KRT86: variants seen among roughly 807,000 people sequenced by gnomAD.
KRT86 encodes keratin 86.
A neutral mutation model predicts 41.2 loss-of-function variants in KRT86; 30 were observed. That is an observed-to-expected ratio of 0.73 (90% CI 0.54 to 0.99). The LOEUF is 0.99. Ranked by LOEUF, KRT86 falls within the 50% of genes least tolerant of loss-of-function variation. KRT86 has a pLI of 0.00. For missense variants in KRT86, 561 were observed against 571.4 expected, an observed-to-expected ratio of 0.98 and a Z score of 0.19; for synonymous variants, 238 against 238.1, an observed-to-expected ratio of 1.00 and a Z score of 0.00.
chr12:52,295,500 A>G (rs146374369), intron 2 of KRT86, among the ~76,000 whole-genome samples: 205 of 152,324 alleles, frequency 1.3e-3, no homozygotes, highest in Non-Finnish European at 2.6e-3. Context: ...GTGTTTGTAC[A>G]TAACATAAAA....
rs1938348156 is a variant in KRT86 at position 52,300,531 on chromosome 12, T to C, written c.-4-1382T>C. ...TAACCTATTTCCCAGGAGAGTCAAG[T>C]GCCTTCCCCTAGATCACACAGGGGT... On this transcript the variant is annotated intron_variant, in intron 2 of 10. Transcript: ENST00000423955. Among the ~76,000 whole-genome samples, 4 of 152,156 alleles carry C rather than the reference T, an allele frequency of 2.6e-5. No individual in the cohort carries two copies. In the South Asian group the frequency reaches 8.3e-4, roughly 32 times the overall value.
rs567853619 is a variant in KRT86, at chr12:52,276,029, C to A, written c.-5+83C>A. On this transcript the variant is annotated intron_variant, in intron 2 of 10. Transcript: ENST00000423955. ...TATGACAACTGCCCCTCCCCACCTA[C>A]CCTTTGGATTAGATGGCTACACTTT... The A allele has an allele frequency of 2.3e-4, 227 of 985,122 alleles. No individual in the cohort carries two copies. In the South Asian group the frequency reaches 9.3e-3, roughly 40 times the overall value. 61.0% of individuals were successfully genotyped at this position (985,122 alleles called of 1,614,324 possible).
At chr12:52,288,422 A>C in intron 2 of KRT86, 1 of 1,614,110 alleles carries the variant, frequency 6.2e-7, no homozygotes. Context: ...GTTGGCCTCC[A>C]GGTCTGACTT....
At chr12:52,287,478 C>T in intron 2 of KRT86, 2 of 1,597,564 alleles carry the variant, frequency 1.3e-6, no homozygotes, top group East Asian at 2.2e-5. Context: ...CGACCAGGGA[C>T]TCTACATGGA....
At chr12:52,285,991 A>G (rs1444717739) in intron 2 of KRT86, 2 of 531,318 alleles carry the variant, frequency 3.8e-6, no homozygotes, top group Non-Finnish European at 6.8e-6. Flanking sequence ...TGCCGTGGGC[A>G]AGGTTCTGGT....
intron 2 of KRT86, among the ~76,000 whole-genome samples, chr12:52,299,810 G>A (rs1431959261): frequency 1.3e-5 from 2 of 152,170 alleles, no homozygotes; most frequent in Non-Finnish European, 2.9e-5. Flanking sequence ...TTGCTATTGA[G>A]TTGTTTGAGT....
Position 52,290,538 on chromosome 12 carries a change from CCCCCCCCCA to C in KRT86, c.-4-11374_-4-11366del, listed in dbSNP as rs546059881. ...TGCTCCCTGGGGAGTTGAGTGACCC[CCCCCCCCCA>C]ACCCAAGCAGATGAACAGAAGTGGA... On this transcript the variant is annotated intron_variant, in intron 2 of 10. Transcript: ENST00000423955. Among the ~76,000 whole-genome samples the C allele has an allele frequency of 3.8e-3, 66 of 17,338 alleles. 29 individuals are homozygous for C. The South Asian group carries it at 0.11, about 28-fold the overall frequency. The allele number at this position is 17,338 out of a possible 152,430, so 11.4% of individuals were successfully genotyped here. A position where few individuals can be genotyped will look rare whatever the true frequency, so the allele number is the denominator to read the frequency against.
rs201943606 is a variant in KRT86, at chr12:52,305,396, C to T, written c.892C>T (p.Arg298Cys). ...RSRAEAESWY[R>C]SKCEEMKATV... is the part of the protein sequence containing the mutation. ...CCGGGCTGAGGCCGAGTCCTGGTAC[C>T]GCAGCAAGGTGAGTGGCACAGGACA... is the stretch of plus-strand genomic sequence containing the variant. Residue 298 changes from arginine to cysteine, a missense_variant, in exon 7 of 11, where the codon CGC becomes TGC. Physicochemically the swap from Arg to Cys is radical, Grantham distance 180 (BLOSUM62 -3). This residue lies in a region of KRT86 where 397 missense variants were observed against 375.9 expected (regional missense o/e 1.06). Transcript: ENST00000423955. 3.6e-5 allele frequency: 58 copies of T among 1,614,136 alleles called. No homozygotes were observed. In the African/African-American group the frequency reaches 4.0e-4, roughly 11 times the overall value.
At chr12:52,287,569 C>G (rs1937988970) in intron 2 of KRT86, 1 of 1,613,964 alleles carries the variant, frequency 6.2e-7, no homozygotes, top group Non-Finnish European at 8.5e-7. Context: ...CTCGGTCTCT[C>G]TGACCTTGCG....
chr12:52,284,421 C>T (rs1284206298), intron 2 of KRT86, among the ~76,000 whole-genome samples: 2 of 152,158 alleles, frequency 1.3e-5, no homozygotes, highest in Non-Finnish European at 2.9e-5. Context: ...AACTCTGGGG[C>T]TCAAGCGATC....
chr12:52,292,887 A>G (rs1938164704), intron 2 of KRT86, among the ~76,000 whole-genome samples: 1 of 152,192 alleles, frequency 6.6e-6, no homozygotes, highest in Non-Finnish European at 1.5e-5. Context: ...CTGTAATCCC[A>G]GCACTTTGGG....
At chr12:52,308,202 G>C (rs760040271) in intron 9 of KRT86, 31 bp from the exon 10 acceptor site, 9 of 1,614,096 alleles carry the variant, frequency 5.6e-6, no homozygotes, top group Non-Finnish European at 7.6e-6. Flanking sequence ...CCTTTTCCGC[G>C]GCACTGACCT....
At position 52,308,534 on chromosome 12, in the gene KRT86, C is replaced by A; in HGVS notation, c.1410C>A (p.Cys470Ter). 1 of 1,601,994 alleles carries A rather than the reference C, an allele frequency of 6.2e-7. No homozygotes were observed. The highest frequency in any genetic ancestry group is 2.2e-5 in the East Asian group (1 of 44,864). ...SNVVVGTTNA[C>*]APSARVGVCG... is the part of the protein sequence containing the mutation. ...TGGTGGTGGGCACTACTAACGCCTG[C>A]GCCCCCTCCGCCCGGGTTGGCGTCT... Residue 470 changes from cysteine to a stop codon, truncating the protein, a stop_gained, in exon 11 of 11, where the codon TGC becomes TGA. Coordinates refer to ENST00000423955, the MANE Select transcript of KRT86 (RefSeq NM_001320198.2). LOFTEE classifies it high-confidence loss of function.
At position 52,308,338 on chromosome 12, in the gene KRT86, G is replaced by C. The variant is rs778336780; in HGVS notation, c.1280-66G>C. 4.6e-4 allele frequency: 741 copies of C among 1,612,386 alleles called. 1 individual carries two copies. The highest frequency in any genetic ancestry group is 6.1e-4 in the Non-Finnish European group (723 of 1,179,344). On this transcript the variant is annotated intron_variant, in intron 10 of 10. Transcript: ENST00000423955. Reference sequence around the variant, plus strand: ...CTCTGGGCAAAGGGCGCGTGGGCTCGCAGCAAAGCCACTCACCCAGGTCGC... The same window carrying C: ...CTCTGGGCAAAGGGCGCGTGGGCTCCCAGCAAAGCCACTCACCCAGGTCGC...
At chr12:52,277,243 G>C (rs1034286911) in intron 2 of KRT86, among the ~76,000 whole-genome samples, 1 of 151,950 alleles carries the variant, frequency 6.6e-6, no homozygotes, top group Non-Finnish European at 1.5e-5. Flanking sequence ...CTCCATACTA[G>C]ACGTAAAAGG....
chr12:52,295,051 A>T (rs886714233), intron 2 of KRT86, among the ~76,000 whole-genome samples: 4 of 152,194 alleles, frequency 2.6e-5, no homozygotes, highest in African/African-American at 9.7e-5. Flanking sequence ...TGTAGATTGA[A>T]CAGAGCTGCT....
intron 7 of KRT86, 59 bp downstream of exon 7, chr12:52,305,463 C>T: frequency 6.2e-7 from 1 of 1,613,216 alleles, no homozygotes; most frequent in African/African-American, 1.3e-5. Flanking sequence ...TTGAGATTAT[C>T]TATTAAATAG....
At chr12:52,287,643 G>T in intron 2 of KRT86, 1 of 1,613,838 alleles carries the variant, frequency 6.2e-7, no homozygotes, top group Non-Finnish European at 8.5e-7. Flanking sequence ...TGGATCATGC[G>T]GTTCAGCTCA....
chr12:52,293,560 G>C (rs987755154), intron 2 of KRT86, among the ~76,000 whole-genome samples: 3 of 152,150 alleles, frequency 2.0e-5, no homozygotes, highest in Non-Finnish European at 4.4e-5. Context: ...GAACCATGAG[G>C]GGTCATTTAG....
Sources: allele counts gnomAD v4.1 joint callset (sites outside exome capture counted in the v4.1 genomes callset), GRCh38; gene constraint gnomAD v4.1.1; regional missense constraint gnomAD v4.1.1; transcripts MANE v1.5; gene names NCBI Gene and HGNC (gene_info 2026-07-23, HGNC 2026-07-21).